Variants in TBK1 observed in about 807,000 individuals in gnomAD.
The protein encoded by TBK1 is serine/threonine-protein kinase TBK1.
TBK1 carries 37 observed loss-of-function variants against 99.9 expected under a neutral mutation model. The ratio of observed to expected loss-of-function variants is 0.37; its 90% CI spans 0.28 to 0.49. The LOEUF is 0.49. Among genes scored for constraint, TBK1 ranks in the 20% least tolerant of loss-of-function variants. The pLI is 0.98. For synonymous variants in TBK1, 258 were observed against 279.8 expected (o/e 0.92, Z 0.78); for missense variants, 644 against 872.5 (o/e 0.74, Z 3.30).
At chr12:64,494,458 G>A (rs1013638813) in intron 13 of TBK1, among the ~76,000 whole-genome samples, 1 of 152,120 alleles carries the variant, frequency 6.6e-6, no homozygotes, top group Non-Finnish European at 1.5e-5. Context: ...CAGCCTAGGC[G>A]ACAGAATGAG....
chr12:64,477,712 C>T (rs1320552759), intron 6 of TBK1, among the ~76,000 whole-genome samples: 2 of 152,118 alleles, frequency 1.3e-5, no homozygotes, highest in Non-Finnish European at 2.9e-5. Context: ...TGAGAGTGGG[C>T]ATCCTTGTCT....
intron 12 of TBK1, 48 bp downstream of exon 12, chr12:64,488,636 C>A: frequency 8.0e-7 from 1 of 1,248,876 alleles, no homozygotes; most frequent in South Asian, 1.4e-5. Context: ...ATTAAATGTT[C>A]CATTTCTATT....
rs145408570 is a variant in TBK1, at chr12:64,474,099, C to T, written c.541-131C>T. The T allele has an allele frequency of 3.1e-3, 2,681 of 859,624 alleles. 29 individuals carry two copies. The highest frequency in any genetic ancestry group is 0.013 in the Middle Eastern group (35 of 2,774). The allele number at this position is 859,624 out of a possible 1,614,324, so 53.2% of individuals were successfully genotyped here. On this transcript the variant is annotated intron_variant, in intron 5 of 20. Coordinates refer to ENST00000331710, the MANE Select transcript of TBK1 (RefSeq NM_013254.4). ...GAGGGAGGGGAAGATGTGAAATAGT[C>T]TTTTCAGATTGGGAAAGTGAAGTTA... is the stretch of plus-strand genomic sequence containing the variant.
intron 20 of TBK1, 24 bp from the exon 21 acceptor site, chr12:64,501,306 T>A: frequency 6.2e-7 from 1 of 1,612,430 alleles, no homozygotes; most frequent in Non-Finnish European, 8.5e-7. Flanking sequence ...AGATTACCTT[T>A]TTTTCTTTGT....
Position 64,501,499 on chromosome 12 carries a change from GT to G in TBK1, c.*119del. 2.0e-6 allele frequency: 2 copies of G among 987,970 alleles called. No individual in the cohort carries two copies. The highest frequency in any genetic ancestry group is 3.0e-6 in the Non-Finnish European group (2 of 657,644). The allele number at this position is 987,970 out of a possible 1,614,324, so 61.2% of individuals were successfully genotyped here. On this transcript the variant is annotated 3_prime_UTR_variant, in exon 21 of 21. Transcript: ENST00000331710. ...CTACAATTCAGTATTTGATGTGGTC[GT>G]GTAAATATGTACAATATTGTAAATA...
chr12:64,463,231 G>A lies in TBK1; in HGVS notation c.229-1103G>A, dbSNP rs565359232. On this transcript the variant is annotated intron_variant, in intron 3 of 20. Coordinates refer to ENST00000331710, the MANE Select transcript of TBK1 (RefSeq NM_013254.4). ...CTAAAAATACAAAAAAATTAGCCGG[G>A]TGTGGTGGCACTCGTCTGTAGTCCC... Among the ~76,000 whole-genome samples, 9 of 152,162 alleles carry A rather than the reference G, an allele frequency of 5.9e-5. No individual in the cohort carries two copies. In the South Asian group the frequency reaches 1.9e-3, roughly 32 times the overall value.
Position 64,484,420 on chromosome 12 carries a change from C to A in TBK1, c.1110C>A (p.Phe370Leu), listed in dbSNP as rs143590388. The change falls in exon 9 of 21, where the codon TTC becomes TTA. Residue 370 changes from phenylalanine (F) to leucine (L), a missense_variant. Transcript: ENST00000331710. ...VLEPGRLAQH[F>L]PKTTEENPIF... ...AACCTGGAAGGCTGGCACAACATTT[C>A]CCTAAAACTACTGAGGAAAACCCTA... 6 of 1,614,090 alleles carry A rather than the reference C, an allele frequency of 3.7e-6. No individual in the cohort carries two copies. Among genetic ancestry groups the A allele is most frequent in the Non-Finnish European group, 4.2e-6 (5 of 1,179,998 alleles).
chr12:64,501,274 T>A, intron 20 of TBK1, 56 bp from the exon 21 acceptor site: 1 of 1,582,066 alleles, frequency 6.3e-7, no homozygotes. Context: ...TTGGGGGCCT[T>A]TATACATAAA....
chr12:64,472,726 A>T (rs755696337), intron 5 of TBK1, among the ~76,000 whole-genome samples: 20 of 152,210 alleles, frequency 1.3e-4, no homozygotes, highest in Admixed American at 1.3e-3. Flanking sequence ...TGGGCCACAT[A>T]TAAAATATGA....
chr12:64,493,267 T>C (rs530666625), intron 13 of TBK1, among the ~76,000 whole-genome samples: 18 of 152,032 alleles, frequency 1.2e-4, no homozygotes, highest in Non-Finnish European at 2.5e-4. Flanking sequence ...ATACCACATA[T>C]ATTATGCACC....
Position 64,482,032 on chromosome 12 carries a change from C to T in TBK1, c.992+11C>T, listed in dbSNP as rs1592367522. On this transcript the variant is annotated intron_variant, in intron 8 of 20. Coordinates refer to ENST00000331710, the MANE Select transcript of TBK1 (RefSeq NM_013254.4). ...TCATAGCTATAATACGTAAGTATCT[C>T]TATTTTCTTCTTGTATCAACATGTT... 1 of 1,473,580 alleles carries T rather than the reference C, an allele frequency of 6.8e-7. No individual in the cohort carries two copies. The highest frequency in any genetic ancestry group is 9.1e-7 in the Non-Finnish European group (1 of 1,101,224). The allele number at this position is 1,473,580 out of a possible 1,614,324, so 91.3% of individuals were successfully genotyped here. A position where few individuals can be genotyped will look rare whatever the true frequency, so the allele number is the denominator to read the frequency against.
chr12:64,459,476 G>A (rs2040523575), intron 2 of TBK1, among the ~76,000 whole-genome samples: 1 of 152,230 alleles, frequency 6.6e-6, no homozygotes, highest in African/African-American at 2.4e-5. Flanking sequence ...ATGAAAGAGT[G>A]AGAGTGGGAT....
Position 64,492,912 on chromosome 12 carries a change from T to A in TBK1, c.1522-2571T>A, listed in dbSNP as rs2040885203. The stretch of plus-strand genomic sequence containing the variant: ...AATTTTGTTTGTTTTTTTTTTTTTT[T>A]TTGGAGACGAAGTTGCTCTTTTGCC... On this transcript the variant is annotated intron_variant, in intron 13 of 20. Transcript: ENST00000331710. Among the ~76,000 whole-genome samples, 3 of 150,460 alleles carry A rather than the reference T, an allele frequency of 2.0e-5. No individual in the cohort carries two copies. In the South Asian group the frequency reaches 6.4e-4, roughly 32 times the overall value.
intron 2 of TBK1, among the ~76,000 whole-genome samples, chr12:64,458,311 T>C (rs767821123): frequency 5.3e-5 from 8 of 152,190 alleles, no homozygotes; most frequent in Non-Finnish European, 1.0e-4. Context: ...TTAGCCCTTT[T>C]ATATTATTTC....
At chr12:64,495,363 G>C in intron 13 of TBK1, 120 bp from the exon 14 acceptor site, 2 of 1,234,410 alleles carry the variant, frequency 1.6e-6, no homozygotes. Context: ...AATAATTACT[G>C]TGCCTTTGAA....
At position 64,484,368 on chromosome 12, in the gene TBK1, T is replaced by A. The variant is rs753694282; in HGVS notation, c.1058T>A (p.Ile353Asn). 1.9e-6 allele frequency: 3 copies of A among 1,613,904 alleles called. No individual in the cohort carries two copies. The highest frequency in any genetic ancestry group is 2.5e-6 in the Non-Finnish European group (3 of 1,179,976). The change falls in exon 9 of 21, where the codon ATC becomes AAC. Residue 353 changes from isoleucine to asparagine, a missense_variant. Physicochemically the swap from Ile to Asn is moderately radical, Grantham distance 149 (BLOSUM62 -3). Transcript: ENST00000331710. ...ATTATTTCTTCAAATCAAGAACTTA[T>A]CTACGAAGGGCGACGCTTAGTCTTA... Reference protein sequence around the residue: ...TKIISSNQELIYEGRRLVLEP... With the variant: ...TKIISSNQELNYEGRRLVLEP...
In TBK1 at chr12:64,455,781, T is replaced by A. The variant is rs931043370; in HGVS notation, c.-31-59T>A. Reference sequence around the variant, plus strand: ...ACTTGAGACTAAAAACAGCTAACATTTGTTTCTTAGCTGTGTTACTCCCTT... The same window carrying A: ...ACTTGAGACTAAAAACAGCTAACATATGTTTCTTAGCTGTGTTACTCCCTT... On this transcript the variant is annotated intron_variant, in intron 1 of 20. Coordinates refer to ENST00000331710, the MANE Select transcript of TBK1 (RefSeq NM_013254.4). The A allele has an allele frequency of 3.6e-6, 3 of 834,550 alleles. No individual in the cohort carries two copies. The African/African-American group carries it at 5.1e-5, about 14-fold the overall frequency. The allele number at this position is 834,550 out of a possible 1,614,324, so 51.7% of individuals were successfully genotyped here. A position where few individuals can be genotyped will look rare whatever the true frequency, so the allele number is the denominator to read the frequency against.
At chr12:64,495,248 A>T (rs1351175269) in intron 13 of TBK1, 1 of 357,270 alleles carries the variant, frequency 2.8e-6, no homozygotes, top group East Asian at 5.2e-5. Flanking sequence ...TGTTTACTGA[A>T]TGAACTGTTT....
intron 4 of TBK1, among the ~76,000 whole-genome samples, chr12:64,466,060 T>G (rs2040600308): frequency 6.6e-6 from 1 of 152,190 alleles, no homozygotes; most frequent in South Asian, 2.1e-4. Context: ...AACTTGTCAC[T>G]GGAAGCAGAG....
Sources: gnomAD v4.1 joint callset for allele counts (sites outside exome capture counted in the v4.1 genomes callset) on GRCh38, gnomAD v4.1.1 for gene constraint, MANE v1.5 for transcripts, NCBI Gene and HGNC (gene_info 2026-07-23, HGNC 2026-07-21) for gene names.